The following RP1 variants were observed in gnomAD, a reference collection of about 807,000 sequenced individuals.
RP1 encodes the protein RP1 axonemal microtubule associated, also known as oxygen-regulated protein 1.
RP1 carries 16 observed loss-of-function variants against 14.8 expected under a neutral mutation model. The ratio of observed to expected loss-of-function variants is 1.08; its 90% CI spans 0.73 to 1.65. RP1 has a LOEUF of 1.65. Ranked by LOEUF, RP1 falls within the 40% of genes most tolerant of loss-of-function variation. RP1 has a pLI of 0.00. For missense variants in RP1, 2,631 were observed against 2,535.0 expected (o/e 1.04, Z -0.81); for synonymous variants, 876 against 883.6 (o/e 0.99, Z 0.15).
chr8:54,720,418 T>C (rs952693183), intron 16 of RP1: 3 of 991,044 alleles, frequency 3.0e-6, no homozygotes, highest in African/African-American at 3.3e-5. Context: ...GCTAGGCTTT[T>C]TTGTTTGTTG....
intron 23 of RP1, among the ~76,000 whole-genome samples, chr8:54,779,724 A>C (rs1169896170): frequency 6.6e-6 from 1 of 152,220 alleles, no homozygotes; most frequent in Non-Finnish European, 1.5e-5. Context: ...GAAACAGTTA[A>C]TGACAGGTCT....
intron 12 of RP1, among the ~76,000 whole-genome samples, chr8:54,687,152 A>C (rs1807584464): frequency 6.6e-6 from 1 of 152,118 alleles, no homozygotes; most frequent in African/African-American, 2.4e-5. Flanking sequence ...AGGAAAGTAA[A>C]AGTCTAAAAA....
At chr8:54,587,361 G>T (rs1804955046) in intron 1 of RP1, among the ~76,000 whole-genome samples, 1 of 151,716 alleles carries the variant, frequency 6.6e-6, no homozygotes. Context: ...GGAAGATGGA[G>T]GTTGTAGTGA....
chr8:54,726,833 A>C (rs576409617), intron 17 of RP1, among the ~76,000 whole-genome samples: 1 of 148,150 alleles, frequency 6.7e-6, no homozygotes, highest in South Asian at 2.1e-4. Flanking sequence ...GAAAAAAATA[A>C]TTTCTATTTC....
chr8:54,567,248 G>A (rs146678709), intron 1 of RP1, among the ~76,000 whole-genome samples: 9 of 152,234 alleles, frequency 5.9e-5, no homozygotes, highest in Admixed American at 2.6e-4. Flanking sequence ...TCTCTCAGTC[G>A]CGGAATGTGC....
chr8:54,870,574 G>C (rs947596614), exon 29 of RP1: 3 of 152,208 alleles, frequency 2.0e-5, no homozygotes, highest in South Asian at 2.1e-4. Context: ...TGCAGGCAGA[G>C]AGCAGCAGAG....
intron 24 of RP1, among the ~76,000 whole-genome samples, chr8:54,820,169 C>T (rs1811222585): frequency 6.6e-6 from 1 of 151,978 alleles, no homozygotes; most frequent in South Asian, 2.1e-4. Context: ...ACCCAAGCTG[C>T]AAGACAAAAA....
At chr8:54,750,138 C>G (rs1237816680) in intron 19 of RP1, among the ~76,000 whole-genome samples, 1 of 152,060 alleles carries the variant, frequency 6.6e-6, no homozygotes, top group East Asian at 1.9e-4. Context: ...TGGGCATTCT[C>G]TAGGAGGATG....
Position 54,628,452 on chromosome 8 carries a change from A to G in RP1, c.4570A>G (p.Ile1524Val), listed in dbSNP as rs769461450. Reference sequence around the variant, plus strand: ...GGAAGAAAAAAGAATGAACGGTATAATTTATGAAATAATCAGTAAGAGGCT... The same window carrying G: ...GGAAGAAAAAAGAATGAACGGTATAGTTTATGAAATAATCAGTAAGAGGCT... ...IMEEKRMNGI[I>V]YEIISKRLAT... is the part of the protein sequence containing the mutation. Residue 1524 changes from isoleucine to valine, a missense_variant, in exon 4 of 4, where the codon ATT becomes GTT. Transcript: ENST00000220676. 1 of 1,613,444 alleles carries G rather than the reference A, an allele frequency of 6.2e-7. No individual in the cohort carries two copies.
chr8:54,629,089 A>G lies in RP1; in HGVS notation c.5207A>G (p.Glu1736Gly), dbSNP rs777551387. The G allele has an allele frequency of 6.2e-7, 1 of 1,614,152 alleles. No homozygotes were observed. Among genetic ancestry groups the G allele is most frequent in the Non-Finnish European group, 8.5e-7 (1 of 1,179,984 alleles). ...GATAGCAGAATCCTCACAGACATAG[A>G]GGAAGGAGTACTGATTGACAAAGGC... ...NDDSRILTDI[E>G]EGVLIDKGKW... is the part of the protein sequence containing the mutation. The change falls in exon 4 of 4, where the codon GAG (glutamate) becomes GGG (glycine). Residue 1736 changes from glutamate to glycine, a missense_variant. Coordinates refer to ENST00000220676, the MANE Select transcript of RP1 (RefSeq NM_006269.2).
intron 1 of RP1, among the ~76,000 whole-genome samples, chr8:54,597,156 T>C (rs918064427): frequency 6.6e-6 from 1 of 152,192 alleles, no homozygotes; most frequent in African/African-American, 2.4e-5. Context: ...CAGGCTTCAA[T>C]GTTAGATGGA....
Position 54,627,756 on chromosome 8 carries a change from T to C in RP1, c.3874T>C (p.Ser1292Pro), listed in dbSNP as rs776339290. 19 of 1,613,916 alleles carry C rather than the reference T, an allele frequency of 1.2e-5. No homozygotes were observed. The East Asian group carries it at 2.7e-4, about 23-fold the overall frequency. The change falls in exon 4 of 4, where the codon TCT becomes CCT. Residue 1292 changes from serine to proline, a missense_variant. Coordinates refer to ENST00000220676, the MANE Select transcript of RP1 (RefSeq NM_006269.2). ...TGATGGTTATGGTGTGGATCAGACTTCTATGAATAAGGCTTGTTTCCTAGG... is the reference window on the plus strand; with the variant it reads ...TGATGGTTATGGTGTGGATCAGACTCCTATGAATAAGGCTTGTTTCCTAGG... ...PSDGYGVDQTSMNKACFLGEV... is the reference protein window; with the variant it reads ...PSDGYGVDQTPMNKACFLGEV...
At chr8:54,643,745 G>A (rs1414283306) in intron 3 of RP1, among the ~76,000 whole-genome samples, 1 of 152,138 alleles carries the variant, frequency 6.6e-6, no homozygotes, top group Non-Finnish European at 1.5e-5. Context: ...GCTTTTGGTG[G>A]TTGCCTGAAG....
intron 1 of RP1, among the ~76,000 whole-genome samples, chr8:54,584,042 G>A (rs1255320894): frequency 3.3e-5 from 5 of 151,986 alleles, no homozygotes; most frequent in African/African-American, 1.2e-4. Context: ...CCTTCTGCTA[G>A]CTTTTGAATG....
intron 1 of RP1, among the ~76,000 whole-genome samples, chr8:54,595,045 T>G (rs1026412012): frequency 1.6e-4 from 24 of 152,002 alleles, no homozygotes; most frequent in Non-Finnish European, 2.9e-4. Context: ...ACATTTAAAA[T>G]AAATAAATAT....
At chr8:54,788,089 T>C (rs571126253) in intron 24 of RP1, among the ~76,000 whole-genome samples, 1 of 152,336 alleles carries the variant, frequency 6.6e-6, no homozygotes, top group Non-Finnish European at 1.5e-5. Context: ...TGTGGTAGAC[T>C]TCCTGATAGG....
intron 25 of RP1, among the ~76,000 whole-genome samples, chr8:54,844,416 G>C (rs1053394925): frequency 6.6e-6 from 1 of 152,206 alleles, no homozygotes; most frequent in South Asian, 2.1e-4. Flanking sequence ...AAGATGTAAG[G>C]TCTCATGGAT....
At chr8:54,710,494 G>A (rs79300435) in intron 15 of RP1, among the ~76,000 whole-genome samples, 4,769 of 152,284 alleles carry the variant, frequency 0.031, 116 homozygotes, top group Non-Finnish European at 0.048. Flanking sequence ...TAGGGCAGCT[G>A]CCCTCCACTG....
At chr8:54,709,985 G>A (rs937236807) in intron 15 of RP1, among the ~76,000 whole-genome samples, 33 of 152,324 alleles carry the variant, frequency 2.2e-4, no homozygotes, top group African/African-American at 7.7e-4. Context: ...AGATGTGGAT[G>A]AGGTATTGGC....
Sources: gnomAD v4.1 joint callset for allele counts (sites outside exome capture counted in the v4.1 genomes callset) on GRCh38, gnomAD v4.1.1 for gene constraint, MANE v1.5 for transcripts, NCBI Gene and HGNC (gene_info 2026-07-23, HGNC 2026-07-21) for gene names.